ABCG2: variants seen among roughly 807,000 people sequenced by gnomAD.
ABCG2 encodes ATP binding cassette subfamily G member 2 (JR blood group), also known as broad substrate specificity ATP-binding cassette transporter ABCG2.
ABCG2 carries 80 observed loss-of-function variants against 73.5 expected under a neutral mutation model. That is an observed-to-expected ratio of 1.09 (90% CI 0.91 to 1.31). The LOEUF (loss-of-function observed/expected upper bound fraction) is 1.31. Among genes scored for constraint, ABCG2 ranks in the 50% most tolerant of loss-of-function variants. The pLI is 0.00. For missense variants in ABCG2, 796 were observed against 786.2 expected (o/e 1.01, Z -0.15); for synonymous variants, 269 against 282.4 (o/e 0.95, Z 0.48).
At chr4:88,209,392 G>A (rs750872644) in intron 1 of ABCG2, among the ~76,000 whole-genome samples, 16 of 151,306 alleles carry the variant, frequency 1.1e-4, no homozygotes, top group Non-Finnish European at 1.9e-4. Flanking sequence ...GACCGGATGC[G>A]GTGGCTCACA....
At chr4:88,200,244 C>T (rs1729105670) in intron 1 of ABCG2, among the ~76,000 whole-genome samples, 1 of 152,018 alleles carries the variant, frequency 6.6e-6, no homozygotes, top group Non-Finnish European at 1.5e-5. Flanking sequence ...GGGAGGATCA[C>T]TTGAGCCTGG....
Position 88,131,196 on chromosome 4 carries a change from G to A in ABCG2, c.396C>T (p.Gly132=), listed in dbSNP as rs147265831. ...GTAAGTTTTCTCTCACCGTCAGAGT[G>A]CCCATCACAACATCATCCTTAAGGC... ...GYVVQDDVVM[G]TLTVRENLQF... Residue 132 remains glycine, a synonymous_variant, in exon 5 of 16, where the codon GGC becomes GGT. Transcript: ENST00000237612. 2.0e-5 allele frequency: 32 copies of A among 1,613,752 alleles called. No individual in the cohort carries two copies. Among genetic ancestry groups the A allele is most frequent in the Non-Finnish European group, 2.6e-5 (31 of 1,179,918 alleles).
At chr4:88,097,654 C>G (rs574747553) in intron 12 of ABCG2, 47 bp from the exon 13 acceptor site, 2 of 1,589,970 alleles carry the variant, frequency 1.3e-6, no homozygotes, top group East Asian at 4.5e-5. Context: ...CCTAGGTCAC[C>G]GTATGTTTGG....
intron 1 of ABCG2, among the ~76,000 whole-genome samples, chr4:88,189,587 G>T (rs1026852432): frequency 1.3e-5 from 2 of 151,980 alleles, no homozygotes; most frequent in Non-Finnish European, 2.9e-5. Flanking sequence ...TTTCTGTGTT[G>T]ATTTTGTATG....
intron 5 of ABCG2, among the ~76,000 whole-genome samples, chr4:88,125,826 G>C (rs1724371294): frequency 6.6e-6 from 1 of 152,030 alleles, no homozygotes; most frequent in Admixed American, 6.6e-5. Flanking sequence ...ACAGGAGAAA[G>C]TGGGAAAGAT....
chr4:88,154,573 T>C (rs776353964), intron 1 of ABCG2, among the ~76,000 whole-genome samples: 2 of 152,136 alleles, frequency 1.3e-5, no homozygotes, highest in Non-Finnish European at 2.9e-5. Flanking sequence ...CTGGTGGAAC[T>C]GCCATCAGTA....
chr4:88,099,457 C>A lies in ABCG2; in HGVS notation c.1368-9G>T. 1 of 1,591,822 alleles carries A rather than the reference C, an allele frequency of 6.3e-7. No homozygotes were observed. The highest frequency in any genetic ancestry group is 1.2e-5 in the South Asian group (1 of 86,370). On this transcript the variant is annotated splice_polypyrimidine_tract_variant and intron_variant, in intron 11 of 15. Coordinates refer to ENST00000237612, the MANE Select transcript of ABCG2 (RefSeq NM_004827.3). ...CGCTGATGTATTCATGTCTATAGAA[C>A]AAAAATACGTATCATACATCCAAGA...
intron 7 of ABCG2, among the ~76,000 whole-genome samples, chr4:88,116,992 C>T (rs982788198): frequency 6.6e-6 from 1 of 152,106 alleles, no homozygotes; most frequent in African/African-American, 2.4e-5. Context: ...TTGACCGATA[C>T]CCACTCAAGG....
chr4:88,214,403 C>T (rs1729723353), intron 1 of ABCG2, among the ~76,000 whole-genome samples: 1 of 152,148 alleles, frequency 6.6e-6, no homozygotes, highest in South Asian at 2.1e-4. Flanking sequence ...AATCCCTCCC[C>T]CATTCTCTCT....
chr4:88,183,092 A>T (rs1351523091), intron 1 of ABCG2, among the ~76,000 whole-genome samples: 3 of 16,484 alleles, frequency 1.8e-4, no homozygotes, highest in Non-Finnish European at 3.6e-4. Flanking sequence ...CTCATAAAAA[A>T]AAAAAAAAAA....
intron 1 of ABCG2, among the ~76,000 whole-genome samples, chr4:88,214,595 C>A (rs1355608610): frequency 6.6e-6 from 1 of 152,016 alleles, no homozygotes; most frequent in Non-Finnish European, 1.5e-5. Flanking sequence ...TGTGGTGGGT[C>A]CTGCCTGTAA....
rs532909346 is a variant in ABCG2 at position 88,131,757 on chromosome 4, A to G, written c.378+46T>C. On this transcript the variant is annotated intron_variant, in intron 4 of 15. Coordinates refer to ENST00000237612, the MANE Select transcript of ABCG2 (RefSeq NM_004827.3). ...GAACTATCAGCCAAAGCACTTACCC[A>G]TATAGAAACAGAGGAAACAGAAAAT... 8.6e-6 allele frequency: 12 copies of G among 1,396,648 alleles called. No homozygotes were observed. The South Asian group carries it at 1.4e-4, about 17-fold the overall frequency. 86.5% of individuals were successfully genotyped at this position (1,396,648 alleles called of 1,614,324 possible). A position where few individuals can be genotyped will look rare whatever the true frequency, so the allele number is the denominator to read the frequency against.
chr4:88,129,039 G>C (rs1724644751), intron 5 of ABCG2, among the ~76,000 whole-genome samples: 1 of 152,086 alleles, frequency 6.6e-6, no homozygotes, highest in South Asian at 2.1e-4. Context: ...GTCTAAAAAG[G>C]GAGATAAAGT....
intron 5 of ABCG2, among the ~76,000 whole-genome samples, chr4:88,125,418 C>T (rs1316752648): frequency 1.3e-5 from 2 of 151,668 alleles, no homozygotes; most frequent in African/African-American, 4.8e-5. Flanking sequence ...ACCATCCTGG[C>T]TAACGTGGTG....
intron 1 of ABCG2, among the ~76,000 whole-genome samples, chr4:88,207,581 T>C (rs1729428535): frequency 6.6e-6 from 1 of 152,202 alleles, no homozygotes; most frequent in African/African-American, 2.4e-5. Flanking sequence ...TCTTGCTGTG[T>C]CACCCAGAGC....
intron 1 of ABCG2, among the ~76,000 whole-genome samples, chr4:88,192,268 G>A (rs969236677): frequency 5.3e-5 from 8 of 152,068 alleles, no homozygotes; most frequent in African/African-American, 1.4e-4. Context: ...ATCTTTTGGG[G>A]GTGATAGAAA....
intron 1 of ABCG2, among the ~76,000 whole-genome samples, chr4:88,170,903 G>T (rs1424389177): frequency 2.0e-5 from 3 of 152,128 alleles, no homozygotes; most frequent in Admixed American, 2.0e-4. Flanking sequence ...ATACCATGAG[G>T]GTGTAAGACA....
In ABCG2 at chr4:88,094,325, C is replaced by CA. The variant is rs542793881; in HGVS notation, c.1820+251_1820+252insT. Among the ~76,000 whole-genome samples, 11 of 152,208 alleles carry CA rather than the reference C, an allele frequency of 7.2e-5. No homozygotes were observed. The South Asian group carries it at 2.3e-3, about 32-fold the overall frequency. On this transcript the variant is annotated intron_variant, in intron 15 of 15. Coordinates refer to ENST00000237612, the MANE Select transcript of ABCG2 (RefSeq NM_004827.3). ...AATATCAAAAGGATCTTTTAAAAGG[C>CA]CCAAAACAATAAGAAACAAACGTAA...
intron 10 of ABCG2, among the ~76,000 whole-genome samples, chr4:88,104,432 G>A (rs891648450): frequency 2.0e-5 from 3 of 152,132 alleles, no homozygotes; most frequent in Non-Finnish European, 4.4e-5. Flanking sequence ...ATCATCCCAG[G>A]AGGGATTAAA....
Sources: gnomAD v4.1 joint callset for allele counts (sites outside exome capture counted in the v4.1 genomes callset) on GRCh38, gnomAD v4.1.1 for gene constraint, MANE v1.5 for transcripts, NCBI Gene and HGNC (gene_info 2026-07-23, HGNC 2026-07-21) for gene names.